The following ZDHHC17 variants were observed in gnomAD, a reference collection of about 807,000 sequenced individuals.
ZDHHC17 encodes zDHHC palmitoyltransferase 17.
A neutral mutation model predicts 90.3 loss-of-function variants in ZDHHC17; 40 were observed. The ratio of observed to expected loss-of-function variants is 0.44; its 90% CI spans 0.34 to 0.58. The LOEUF (loss-of-function observed/expected upper bound fraction) is 0.58, where lower values mean the gene tolerates loss of function less well. ZDHHC17 is among the 20% of genes least tolerant of loss of function. ZDHHC17 has a pLI of 0.01. For synonymous variants in ZDHHC17, 235 were observed against 252.4 expected (o/e 0.93, Z 0.65); for missense variants, 614 against 780.8 (o/e 0.79, Z 2.55).
intron 1 of ZDHHC17, among the ~76,000 whole-genome samples, chr12:76,787,583 C>T (rs142520523): frequency 4.3e-4 from 65 of 151,874 alleles, no homozygotes; most frequent in African/African-American, 1.5e-3. Flanking sequence ...CCAATGCCAT[C>T]GGCCATAGAG....
intron 2 of ZDHHC17, among the ~76,000 whole-genome samples, chr12:76,798,831 C>T (rs1952853454): frequency 6.6e-6 from 1 of 152,138 alleles, no homozygotes; most frequent in Non-Finnish European, 1.5e-5. Context: ...AACCAAATCT[C>T]ATGAGAACTC....
At chr12:76,778,186 C>G (rs901025759) in intron 1 of ZDHHC17, among the ~76,000 whole-genome samples, 2 of 152,042 alleles carry the variant, frequency 1.3e-5, no homozygotes, top group Non-Finnish European at 2.9e-5. Context: ...ATATTGCAGA[C>G]AGTCACACAG....
At chr12:76,764,655 G>A (rs1952410188) in intron 1 of ZDHHC17, 3 of 514,618 alleles carry the variant, frequency 5.8e-6, no homozygotes, top group South Asian at 1.7e-5. Context: ...TTGAACCGCA[G>A]CTTAGACCCT....
chr12:76,828,022 G>C (rs141096977), intron 9 of ZDHHC17, among the ~76,000 whole-genome samples: 9 of 152,112 alleles, frequency 5.9e-5, no homozygotes, highest in Non-Finnish European at 1.2e-4. Flanking sequence ...TGTGAGGCTT[G>C]GTTTGGATTC....
At chr12:76,815,777 C>A in intron 6 of ZDHHC17, 80 bp from the exon 7 acceptor site, 1 of 1,357,570 alleles carries the variant, frequency 7.4e-7, no homozygotes, top group Non-Finnish European at 9.6e-7. Flanking sequence ...TAAGCATAAT[C>A]AGTTTAGTAT....
rs1351604825 is a variant in ZDHHC17 at position 76,826,904 on chromosome 12, A to G, written c.898-4A>G. Reference sequence around the variant, plus strand: ...AACTTTTCTAATTTTTTGTTTCTATACAGGAATTTCGGCAGAAAGTAATGT... The same window carrying G: ...AACTTTTCTAATTTTTTGTTTCTATGCAGGAATTTCGGCAGAAAGTAATGT... On this transcript the variant is annotated splice_polypyrimidine_tract_variant and splice_region_variant and intron_variant, in intron 8 of 16. Coordinates refer to ENST00000426126, the MANE Select transcript of ZDHHC17 (RefSeq NM_015336.4). 7.3e-6 allele frequency: 11 copies of G among 1,515,586 alleles called. No individual in the cohort carries two copies. The highest frequency in any genetic ancestry group is 9.6e-6 in the Non-Finnish European group (11 of 1,143,170). 93.9% of individuals were successfully genotyped at this position (1,515,586 alleles called of 1,614,324 possible).
intron 10 of ZDHHC17, among the ~76,000 whole-genome samples, chr12:76,834,878 C>G (rs951685883): frequency 1.3e-5 from 2 of 152,070 alleles, no homozygotes; most frequent in African/African-American, 2.4e-5. Flanking sequence ...GATCTGTCTG[C>G]CTGTATTAAC....
At chr12:76,829,455 CAAAAAAA>C (rs58051393) in intron 10 of ZDHHC17, among the ~76,000 whole-genome samples, 32 of 71,922 alleles carry the variant, frequency 4.4e-4, no homozygotes, top group African/African-American at 1.7e-3. Context: ...GACTATGTCT[CAAAAAAA>C]AAAAAAAAAA....
chr12:76,850,091 A>AT (rs1479922953), intron 16 of ZDHHC17, among the ~76,000 whole-genome samples: 3 of 151,868 alleles, frequency 2.0e-5, no homozygotes, highest in Admixed American at 1.3e-4. Context: ...TAGTTTTTGT[A>AT]TTTTTAGTAG....
In ZDHHC17 at chr12:76,850,752, GA is replaced by G. The variant is rs1953557158; in HGVS notation, c.1761-88del. ...CAAGTAACCTGAGTTTTTAAGTTTA[GA>G]AAAAAATATATTTAACACGAAAATT... On this transcript the variant is annotated intron_variant, in intron 16 of 16. Transcript: ENST00000426126. 3 of 1,485,464 alleles carry G rather than the reference GA, an allele frequency of 2.0e-6. No homozygotes were observed. In the African/African-American group the frequency reaches 4.2e-5, roughly 21 times the overall value. The allele number at this position is 1,485,464 out of a possible 1,614,324, so 92.0% of individuals were successfully genotyped here.
intron 1 of ZDHHC17, among the ~76,000 whole-genome samples, chr12:76,789,918 G>A (rs989481753): frequency 1.3e-4 from 20 of 152,226 alleles, no homozygotes; most frequent in Non-Finnish European, 2.1e-4. Flanking sequence ...CCATGATAAC[G>A]ACATGTAAGG....
In ZDHHC17 at chr12:76,826,994, G is replaced by A; in HGVS notation, c.984G>A (p.Trp328Ter). The A allele has an allele frequency of 6.4e-7, 1 of 1,561,486 alleles. No homozygotes were observed. The highest frequency in any genetic ancestry group is 8.6e-7 in the Non-Finnish European group (1 of 1,162,192). The change falls in exon 9 of 17, where the codon TGG (tryptophan) becomes TGA (stop). Residue 328 changes from tryptophan to a stop codon, truncating the protein, a stop_gained. Transcript: ENST00000426126. LOFTEE classifies it high-confidence loss of function. Reference protein sequence around the residue: ...GFIADLNIDSWLIKGLMYGGV... With the variant: ...GFIADLNIDS Reference sequence around the variant, plus strand: ...TAGCAGACCTAAATATTGATTCTTGGCTCATTAAAGGGCTAATGTATGGTG... The same window carrying A: ...TAGCAGACCTAAATATTGATTCTTGACTCATTAAAGGGCTAATGTATGGTG...
At chr12:76,792,526 T>C (rs923873117) in intron 1 of ZDHHC17, among the ~76,000 whole-genome samples, 2 of 152,154 alleles carry the variant, frequency 1.3e-5, no homozygotes, top group African/African-American at 4.8e-5. Context: ...CTGCAGTGTT[T>C]ATCGCAGCTC....
intron 1 of ZDHHC17, among the ~76,000 whole-genome samples, chr12:76,773,153 C>T (rs148844384): frequency 6.6e-5 from 10 of 152,274 alleles, no homozygotes; most frequent in Non-Finnish European, 1.0e-4. Flanking sequence ...CCACTGCACC[C>T]GGCGAGGTTC....
chr12:76,823,715 A>C (rs1953193625), intron 8 of ZDHHC17, among the ~76,000 whole-genome samples: 1 of 152,196 alleles, frequency 6.6e-6, no homozygotes, highest in Admixed American at 6.5e-5. Flanking sequence ...TCTTGAAAGC[A>C]GTGCCTCCTT....
At chr12:76,835,921 C>T (rs1459200075) in intron 10 of ZDHHC17, among the ~76,000 whole-genome samples, 3 of 146,146 alleles carry the variant, frequency 2.1e-5, no homozygotes, top group Non-Finnish European at 4.6e-5. Flanking sequence ...CCTCTACACC[C>T]CCTTTTTTTT....
chr12:76,807,142 A>C (rs1296191518), intron 3 of ZDHHC17, among the ~76,000 whole-genome samples: 1 of 152,182 alleles, frequency 6.6e-6, no homozygotes, highest in Non-Finnish European at 1.5e-5. Flanking sequence ...TTTTAACTAT[A>C]ATTCTATTAA....
chr12:76,817,364 C>T (rs1207751149), intron 7 of ZDHHC17, among the ~76,000 whole-genome samples: 2 of 151,826 alleles, frequency 1.3e-5, no homozygotes, highest in Non-Finnish European at 2.9e-5. Context: ...TCTTTGCTAC[C>T]AGACAGCCAT....
At chr12:76,850,765 T>C (rs961456913) in intron 16 of ZDHHC17, 82 bp from the exon 17 acceptor site, 630 of 1,517,360 alleles carry the variant, frequency 4.2e-4, no homozygotes, top group Non-Finnish European at 4.9e-4. Flanking sequence ...AAAAATATAT[T>C]TAACACGAAA....
Sources: gnomAD v4.1 joint callset for allele counts (sites outside exome capture counted in the v4.1 genomes callset) on GRCh38, gnomAD v4.1.1 for gene constraint, MANE v1.5 for transcripts, NCBI Gene and HGNC (gene_info 2026-07-23, HGNC 2026-07-21) for gene names.